Variants in ARNT observed in about 807,000 individuals in gnomAD.
The protein encoded by ARNT is class E basic helix-loop-helix protein 2.
A neutral mutation model predicts 105.0 loss-of-function variants in ARNT; 30 were observed. The ratio of observed to expected loss-of-function variants is 0.29; its 90% CI spans 0.21 to 0.39. The LOEUF is 0.39. Ranked by LOEUF, ARNT falls within the 10% of genes least tolerant of loss-of-function variation. The pLI, the probability that ARNT is intolerant of heterozygous loss-of-function variation, is 1.00. For missense variants in ARNT, 748 were observed against 978.7 expected (o/e 0.76, Z 3.15); for synonymous variants, 304 against 344.0 (o/e 0.88, Z 1.29).
chr1:150,848,912 A>T (rs1399785469), intron 3 of ARNT, among the ~76,000 whole-genome samples: 2 of 152,196 alleles, frequency 1.3e-5, no homozygotes, highest in Non-Finnish European at 2.9e-5. Flanking sequence ...ACAAATAAGA[A>T]AAAGAAATGG....
chr1:150,872,822 C>T (rs58112984), intron 1 of ARNT, among the ~76,000 whole-genome samples: 2,501 of 152,098 alleles, frequency 0.016, 79 homozygotes, highest in African/African-American at 0.057. Context: ...ATTAGCCAGC[C>T]ACGGTGGTGC....
chr1:150,860,314 C>T (rs1467644807), intron 1 of ARNT, among the ~76,000 whole-genome samples: 2 of 149,226 alleles, frequency 1.3e-5, no homozygotes, highest in Admixed American at 1.3e-4. Flanking sequence ...CTCTCGGGTT[C>T]AAGTGATTCT....
chr1:150,837,160 C>G (rs1660481355), intron 6 of ARNT, among the ~76,000 whole-genome samples: 1 of 151,994 alleles, frequency 6.6e-6, no homozygotes, highest in Non-Finnish European at 1.5e-5. Context: ...AATATTCCCA[C>G]TTTCTCTCTT....
chr1:150,831,623 G>A, intron 10 of ARNT, 195 bp downstream of exon 10: 1 of 535,402 alleles, frequency 1.9e-6, no homozygotes, highest in Non-Finnish European at 3.2e-6. Flanking sequence ...TTTCCAGCCT[G>A]AGTTATCTAT....
intron 20 of ARNT, 32 bp from the exon 21 acceptor site, chr1:150,813,370 C>A: frequency 6.4e-7 from 1 of 1,556,598 alleles, no homozygotes; most frequent in Non-Finnish European, 8.7e-7. Context: ...ATAAACAACT[C>A]CAATCTACAC....
In ARNT at chr1:150,862,131, T is replaced by C. The variant is rs143047060; in HGVS notation, c.26-3671A>G. Reference sequence around the variant, plus strand: ...TGGCAATAAATACACACGTAGATCATTCTTTTTAACAGTTACATAGTACTC... The same window carrying C: ...TGGCAATAAATACACACGTAGATCACTCTTTTTAACAGTTACATAGTACTC... On this transcript the variant is annotated intron_variant, in intron 1 of 21. Transcript: ENST00000358595. 6.6e-3 allele frequency among the ~76,000 whole-genome samples: 1,008 copies of C among 152,322 alleles called. 7 individuals are homozygous for C. Among genetic ancestry groups the C allele is most frequent in the African/African-American group, 0.023 (940 of 41,568 alleles).
At position 150,812,103 on chromosome 1, in the gene ARNT, A is replaced by G. The variant is rs1179448125; in HGVS notation, c.2288T>C (p.Leu763Pro). 2 of 1,561,468 alleles carry G rather than the reference A, an allele frequency of 1.3e-6. No homozygotes were observed. The highest frequency in any genetic ancestry group is 1.7e-6 in the Non-Finnish European group (2 of 1,151,392). ...PGQPEVFQEM[L>P]SMLGDQSNSY... The stretch of plus-strand genomic sequence containing the variant: ...GTTGCTCTGATCTCCCAGCATGGAC[A>G]GCATCTCCTGATAAAAGAAAAAGAT... Residue 763 changes from leucine to proline, a missense_variant, in exon 22 of 22, where the codon CTG becomes CCG. Coordinates refer to ENST00000358595, the MANE Select transcript of ARNT (RefSeq NM_001668.4).
At chr1:150,858,616 ATTT>A (rs113986128) in intron 1 of ARNT, among the ~76,000 whole-genome samples, 156 bp from the exon 2 acceptor site, 2 of 137,938 alleles carry the variant, frequency 1.4e-5, no homozygotes, top group Non-Finnish European at 1.5e-5. Context: ...GCTCTTCTTG[ATTT>A]TTTTTTTTTT....
At position 150,876,424 on chromosome 1, in the gene ARNT, C is replaced by CCCCCG. The variant is rs1237688534; in HGVS notation, c.25+114_25+118dup. 8.8e-6 allele frequency: 13 copies of CCCCCG among 1,469,688 alleles called. No individual in the cohort carries two copies. In the East Asian group the frequency reaches 1.1e-4, roughly 12 times the overall value. 91.0% of individuals were successfully genotyped at this position (1,469,688 alleles called of 1,614,324 possible). ...ACCGCTCCCCCACCGTCTCTCGCGG[C>CCCCCG]CCCCGCCCCGCCCCGGCGCCTTCAG... On this transcript the variant is annotated intron_variant, in intron 1 of 21. Coordinates refer to ENST00000358595, the MANE Select transcript of ARNT (RefSeq NM_001668.4).
At chr1:150,858,291 C>A in intron 2 of ARNT, 58 bp downstream of exon 2, 1 of 1,315,634 alleles carries the variant, frequency 7.6e-7, no homozygotes, top group Non-Finnish European at 1.1e-6. Context: ...TAAATAAATT[C>A]AGCAACTAAA....
At chr1:150,851,588 T>C (rs1663572816) in intron 3 of ARNT, among the ~76,000 whole-genome samples, 1 of 152,270 alleles carries the variant, frequency 6.6e-6, no homozygotes, top group African/African-American at 2.4e-5. Flanking sequence ...AAACATGTGC[T>C]GTGTCCACTC....
intron 2 of ARNT, among the ~76,000 whole-genome samples, chr1:150,856,427 G>A (rs1366982801): frequency 3.4e-5 from 5 of 148,186 alleles, no homozygotes; most frequent in African/African-American, 7.5e-5. Flanking sequence ...GCGACAGAGC[G>A]AGACTCCATC....
At chr1:150,852,860 A>G (rs751680564) in intron 2 of ARNT, 54 bp from the exon 3 acceptor site, 4 of 1,603,462 alleles carry the variant, frequency 2.5e-6, no homozygotes, top group South Asian at 1.1e-5. Context: ...CAAAACATTA[A>G]GAAGTTAAAA....
At chr1:150,847,450 G>T (rs1662456639) in intron 3 of ARNT, among the ~76,000 whole-genome samples, 1 of 142,052 alleles carries the variant, frequency 7.0e-6, no homozygotes, top group Non-Finnish European at 1.5e-5. Context: ...AAAAAAAGAA[G>T]GGGGAAAGGG....
chr1:150,869,534 G>T (rs1439430196), intron 1 of ARNT, among the ~76,000 whole-genome samples: 1 of 151,070 alleles, frequency 6.6e-6, no homozygotes, highest in African/African-American at 2.4e-5. Flanking sequence ...AAGATTTTAG[G>T]AAACTACTCC....
intron 1 of ARNT, among the ~76,000 whole-genome samples, chr1:150,865,982 GTTT>G (rs199854652): frequency 5.1e-5 from 7 of 137,734 alleles, no homozygotes; most frequent in Admixed American, 7.3e-5. Context: ...TTACTCCAAA[GTTT>G]TTTTTTTTTT....
chr1:150,827,774 T>C (rs587745058), intron 12 of ARNT, among the ~76,000 whole-genome samples: 3 of 152,372 alleles, frequency 2.0e-5, no homozygotes, highest in Admixed American at 6.5e-5. Context: ...CTAGTAGCTA[T>C]ACCATTTTAC....
At chr1:150,821,621 G>A (rs1196198323) in intron 14 of ARNT, among the ~76,000 whole-genome samples, 2 of 151,980 alleles carry the variant, frequency 1.3e-5, no homozygotes, top group Non-Finnish European at 2.9e-5. Flanking sequence ...TTGTACAAAC[G>A]GTGTGTATGT....
rs587711882 is a variant in ARNT at position 150,850,392 on chromosome 1, C to T, written c.182+2370G>A. On this transcript the variant is annotated intron_variant, in intron 3 of 21. Coordinates refer to ENST00000358595, the MANE Select transcript of ARNT (RefSeq NM_001668.4). ...ACTGCAACCTCCCTGCCTGATTCTCCTGCCTCAGCCTGCCGAGTGCCTGCG... is the reference window on the plus strand; with the variant it reads ...ACTGCAACCTCCCTGCCTGATTCTCTTGCCTCAGCCTGCCGAGTGCCTGCG... 3.7e-3 allele frequency among the ~76,000 whole-genome samples: 560 copies of T among 152,358 alleles called. 6 individuals carry two copies. The highest frequency in any genetic ancestry group is 0.013 in the African/African-American group (528 of 41,580).
Sources: allele counts gnomAD v4.1 joint callset (sites outside exome capture counted in the v4.1 genomes callset), GRCh38; gene constraint gnomAD v4.1.1; transcripts MANE v1.5; gene names NCBI Gene and HGNC (gene_info 2026-07-23, HGNC 2026-07-21).